ADAMTSL1: variants seen among roughly 807,000 people sequenced by gnomAD.
The protein encoded by ADAMTSL1 is ADAMTS like 1.
In ADAMTSL1, 126 loss-of-function variants were observed where a neutral mutation model predicts 201.8. The observed-to-expected ratio is 0.62, with a 90% CI of 0.54 to 0.72. The LOEUF (loss-of-function observed/expected upper bound fraction) is 0.72. Ranked by LOEUF, ADAMTSL1 falls within the 30% of genes least tolerant of loss-of-function variation. ADAMTSL1 has a pLI of 0.00. For missense variants in ADAMTSL1, 2,679 were observed against 2,277.8 expected (o/e 1.18, Z -3.59); for synonymous variants, 1,121 against 903.4 (o/e 1.24, Z -4.32).
At chr9:18,127,168 T>C (rs1213715632) in intron 1 of ADAMTSL1, among the ~76,000 whole-genome samples, 2 of 152,142 alleles carry the variant, frequency 1.3e-5, no homozygotes, top group Admixed American at 1.3e-4. Context: ...TGCAAAAGCA[T>C]GTGGAGACAA....
chr9:17,959,705 C>T (rs555332504), intron 1 of ADAMTSL1, among the ~76,000 whole-genome samples: 1 of 152,278 alleles, frequency 6.6e-6, no homozygotes, highest in East Asian at 1.9e-4. Flanking sequence ...ATCCACCCAC[C>T]TTGGTCTCCC....
At chr9:18,429,620 G>A (rs1819392849) in intron 2 of ADAMTSL1, among the ~76,000 whole-genome samples, 1 of 152,164 alleles carries the variant, frequency 6.6e-6, no homozygotes, top group Admixed American at 6.5e-5. Flanking sequence ...ATGCAGAGCA[G>A]CATTAATTTT....
chr9:17,943,390 T>A (rs573997045), intron 1 of ADAMTSL1, among the ~76,000 whole-genome samples: 1 of 152,288 alleles, frequency 6.6e-6, no homozygotes, highest in African/African-American at 2.4e-5. Flanking sequence ...GTATTGCTAT[T>A]GGTTTTGAGA....
chr9:18,560,472 T>C (rs903776678), intron 3 of ADAMTSL1, among the ~76,000 whole-genome samples: 1 of 152,154 alleles, frequency 6.6e-6, no homozygotes, highest in South Asian at 2.1e-4. Context: ...AAATTTTCTT[T>C]TTTGTTGTTG....
At chr9:18,289,599 C>G (rs1833169168) in intron 2 of ADAMTSL1, among the ~76,000 whole-genome samples, 1 of 152,188 alleles carries the variant, frequency 6.6e-6, no homozygotes, top group Admixed American at 6.5e-5. Flanking sequence ...AGGACTTTAT[C>G]TGCAATCAGC....
At chr9:18,847,222 A>G (rs947489402) in intron 23 of ADAMTSL1, among the ~76,000 whole-genome samples, 2 of 152,112 alleles carry the variant, frequency 1.3e-5, no homozygotes, top group Non-Finnish European at 2.9e-5. Flanking sequence ...AGGAGTGGGG[A>G]CTGCTTTCTT....
chr9:18,099,347 ATATATATATTTT>A (rs1280295736), intron 1 of ADAMTSL1, among the ~76,000 whole-genome samples: 45 of 47,330 alleles, frequency 9.5e-4, no homozygotes, highest in African/African-American at 3.2e-3. Context: ...ATATATATAT[ATATATATATTTT>A]TTTTTTTTTT....
chr9:18,317,393 AACACACACACACAC>A lies in ADAMTSL1; in HGVS notation c.207+153429_207+153442del, dbSNP rs57642851. 1.2e-3 allele frequency among the ~76,000 whole-genome samples: 183 copies of A among 149,142 alleles called. 1 individual carries two copies. Among genetic ancestry groups the A allele is most frequent in the African/African-American group, 4.4e-3 (178 of 40,764 alleles). On this transcript the variant is annotated intron_variant, in intron 2 of 29. Coordinates refer to the ADAMTSL1 transcript ENST00000680146. ...AAGAAAGTGTATCTTAAGTGTCCTC[AACACACACACACAC>A]ACACACACACACACACGTACATGAG...
At chr9:18,627,278 G>A (rs1405885162) in intron 5 of ADAMTSL1, among the ~76,000 whole-genome samples, 1 of 152,110 alleles carries the variant, frequency 6.6e-6, no homozygotes, top group Non-Finnish European at 1.5e-5. Context: ...CACGGCACCT[G>A]GCCACCATTT....
chr9:18,488,545 G>A (rs1822110114), intron 1 of ADAMTSL1, among the ~76,000 whole-genome samples: 1 of 152,216 alleles, frequency 6.6e-6, no homozygotes, highest in Non-Finnish European at 1.5e-5. Flanking sequence ...GGTTCCACCA[G>A]TGTAACCTTT....
intron 23 of ADAMTSL1, among the ~76,000 whole-genome samples, chr9:18,843,861 C>T (rs1003801347): frequency 5.3e-5 from 8 of 151,332 alleles, no homozygotes; most frequent in Non-Finnish European, 8.8e-5. Context: ...TCACGTAGTT[C>T]TTGAGCCTTG....
At position 18,453,003 on chromosome 9, in the gene ADAMTSL1, G is replaced by A. The variant is rs150448072; in HGVS notation, c.208-51826G>A. ...GTCATAGTAGGAGCTCTCCGCAGTG[G>A]CTCTGCCTTTGTGACAAGTTTCTGC... On this transcript the variant is annotated intron_variant, in intron 2 of 29. Transcript: ENST00000680146. Among the ~76,000 whole-genome samples, 142 of 152,348 alleles carry A rather than the reference G, an allele frequency of 9.3e-4. 1 individual carries two copies. Among genetic ancestry groups the A allele is most frequent in the African/African-American group, 2.8e-3 (118 of 41,574 alleles).
chr9:18,827,863 C>T (rs1008365216), intron 22 of ADAMTSL1, among the ~76,000 whole-genome samples: 6 of 152,170 alleles, frequency 3.9e-5, no homozygotes, highest in African/African-American at 7.2e-5. Context: ...TGTCAAGACT[C>T]TTAGGTTTAA....
Position 18,005,731 on chromosome 9 carries a change from G to A in ADAMTSL1, c.87+98809G>A, listed in dbSNP as rs542433517. On this transcript the variant is annotated intron_variant, in intron 1 of 29. Transcript: ENST00000680146. ...GAGTATGGAACGTAGTGATAGGAAT[G>A]TGCTAGAGGCAGAACAGTCTTTAGT... 8.5e-4 allele frequency among the ~76,000 whole-genome samples: 129 copies of A among 152,166 alleles called. 3 individuals carry two copies. Among genetic ancestry groups the A allele is most frequent in the Admixed American group, 8.4e-3 (129 of 15,276 alleles).
Position 18,185,358 on chromosome 9 carries a change from T to A in ADAMTSL1, c.207+21377T>A, listed in dbSNP as rs554564056. 2.1e-4 allele frequency among the ~76,000 whole-genome samples: 32 copies of A among 152,258 alleles called. No individual in the cohort carries two copies. In the East Asian group the frequency reaches 5.8e-3, roughly 28 times the overall value. On this transcript the variant is annotated intron_variant, in intron 2 of 29. Transcript: ENST00000680146. ...GGCCATGAATTCTTCCAACAACCTG[T>A]AAACTAAGAAGTAAACACTTCCCCT...
Position 18,765,221 on chromosome 9 carries a change from T to C in ADAMTSL1, c.2218-5381T>C, listed in dbSNP as rs150162652. On this transcript the variant is annotated intron_variant, in intron 16 of 28. Transcript: ENST00000380548. Reference sequence around the variant, plus strand: ...TTAGAAAAAAGAAAACTTCAGCCACTACCCATTGAAGAGATCCATACTCCT... The same window carrying C: ...TTAGAAAAAAGAAAACTTCAGCCACCACCCATTGAAGAGATCCATACTCCT... 3.4e-3 allele frequency among the ~76,000 whole-genome samples: 517 copies of C among 152,318 alleles called. 3 individuals carry two copies. Among genetic ancestry groups the C allele is most frequent in the African/African-American group, 0.011 (473 of 41,558 alleles).
At chr9:17,933,458 A>G (rs1191866093) in intron 1 of ADAMTSL1, among the ~76,000 whole-genome samples, 1 of 152,098 alleles carries the variant, frequency 6.6e-6, no homozygotes, top group African/African-American at 2.4e-5. Flanking sequence ...TCATCAGTCT[A>G]CCACACCCAT....
chr9:18,417,984 A>C (rs1024191028), intron 2 of ADAMTSL1, among the ~76,000 whole-genome samples: 1 of 152,346 alleles, frequency 6.6e-6, no homozygotes, highest in South Asian at 2.1e-4. Flanking sequence ...AGCAATACAG[A>C]GAAGAAATAA....
At chr9:18,053,280 G>A (rs951799857) in intron 1 of ADAMTSL1, among the ~76,000 whole-genome samples, 2 of 151,990 alleles carry the variant, frequency 1.3e-5, no homozygotes, top group African/African-American at 2.4e-5. Context: ...CTTATAATGA[G>A]GCAAAGAGGA....
Sources: gnomAD v4.1 joint callset for allele counts (sites outside exome capture counted in the v4.1 genomes callset) on GRCh38, gnomAD v4.1.1 for gene constraint, MANE v1.5 for transcripts, NCBI Gene and HGNC (gene_info 2026-07-23, HGNC 2026-07-21) for gene names.